Variants in ABCA12 observed in about 807,000 individuals in gnomAD.
ABCA12 encodes the protein glucosylceramide transporter ABCA12.
ABCA12 carries 156 observed loss-of-function variants against 293.5 expected under a neutral mutation model. That is an observed-to-expected ratio of 0.53 (90% CI 0.47 to 0.61). The LOEUF is 0.61. ABCA12 is among the 20% of genes least tolerant of loss of function. The pLI, the probability that ABCA12 is intolerant of heterozygous loss-of-function variation, is 0.00. For synonymous variants in ABCA12, 1,063 were observed against 1,108.0 expected (o/e 0.96, Z 0.81); for missense variants, 2,797 against 3,090.2 (o/e 0.91, Z 2.25).
At chr2:215,092,838 A>G (rs1317159319) in intron 2 of ABCA12, among the ~76,000 whole-genome samples, 3 of 151,970 alleles carry the variant, frequency 2.0e-5, no homozygotes, top group Non-Finnish European at 4.4e-5. Flanking sequence ...GATCTCAAAC[A>G]TGCTTCCTTT....
Position 215,026,668 on chromosome 2 carries a change from G to A in ABCA12, c.1180+152C>T, listed in dbSNP as rs1574993919. 8 of 741,206 alleles carry A rather than the reference G, an allele frequency of 1.1e-5. No individual in the cohort carries two copies. In the East Asian group the frequency reaches 2.1e-4, roughly 19 times the overall value. 45.9% of individuals were successfully genotyped at this position (741,206 alleles called of 1,614,324 possible). A position where few individuals can be genotyped will look rare whatever the true frequency, so the allele number is the denominator to read the frequency against. On this transcript the variant is annotated intron_variant, in intron 10 of 52. Transcript: ENST00000272895. ...GATATTATGACAAGACATTCCCTTT[G>A]TATATCAAATCACCAGACTGAAACT...
chr2:215,062,437 A>T (rs1432193730), intron 3 of ABCA12, among the ~76,000 whole-genome samples: 1 of 152,026 alleles, frequency 6.6e-6, no homozygotes, highest in Non-Finnish European at 1.5e-5. Context: ...CCGTTCTCAT[A>T]GACAATGTAT....
chr2:214,993,400 T>A (rs1574969285), intron 23 of ABCA12, among the ~76,000 whole-genome samples: 1 of 152,196 alleles, frequency 6.6e-6, no homozygotes, highest in East Asian at 1.9e-4. Flanking sequence ...GAAAAAGACC[T>A]CAGATATCTT....
chr2:215,004,343 C>A, intron 19 of ABCA12, 44 bp from the exon 20 acceptor site: 3 of 1,424,090 alleles, frequency 2.1e-6, no homozygotes, highest in South Asian at 2.4e-5. Flanking sequence ...CAAGAAAAAT[C>A]ATGTTTGACA....
chr2:214,974,124 T>C (rs1350517899), intron 35 of ABCA12, 82 bp from the exon 36 acceptor site: 7 of 1,238,958 alleles, frequency 5.6e-6, no homozygotes, highest in African/African-American at 3.0e-5. Flanking sequence ...AACAAGTATT[T>C]GGTATTAAGT....
chr2:215,038,016 T>G (rs1294786395), intron 7 of ABCA12, among the ~76,000 whole-genome samples: 1 of 152,170 alleles, frequency 6.6e-6, no homozygotes, highest in Non-Finnish European at 1.5e-5. Flanking sequence ...AGTATTTGTG[T>G]ACACTTTCAT....
rs748096708 is a variant in ABCA12, at chr2:214,990,709, A to G, written c.3617T>C (p.Val1206Ala). The change falls in exon 24 of 53, where the codon GTG (valine) becomes GCG (alanine). Residue 1206 changes from valine to alanine, a missense_variant. This residue lies in a region of ABCA12 where 2,130 missense variants were observed against 2,427.0 expected (regional missense o/e 0.88). Coordinates refer to ENST00000272895, the MANE Select transcript of ABCA12 (RefSeq NM_173076.3). ...TTCCAACGGTTGACTTACCATGAAC[A>G]CTTTCAATACATAGCTCAACTCATT... Reference protein sequence around the residue: ...VENELSYVLKVFMSLLSPTAF... With the variant: ...VENELSYVLKAFMSLLSPTAF... 7.4e-6 allele frequency: 12 copies of G among 1,613,874 alleles called. No individual in the cohort carries two copies. Among genetic ancestry groups the G allele is most frequent in the Non-Finnish European group, 1.0e-5 (12 of 1,179,912 alleles).
rs1206216819 is a variant in ABCA12, at chr2:214,983,772, G to A, written c.4257C>T (p.Asn1419=). 1.2e-6 allele frequency: 2 copies of A among 1,614,088 alleles called. No individual in the cohort carries two copies. Among genetic ancestry groups the A allele is most frequent in the Admixed American group, 3.3e-5 (2 of 60,018 alleles). Residue 1419 remains asparagine, a synonymous_variant, in exon 29 of 53, where the codon AAC becomes AAT. Transcript: ENST00000272895. ...CGTCGTGCTGCATACAGACTCCCATGTTCTTCCGTACCGTGTGTAGGTCTG... is the reference window on the plus strand; with the variant it reads ...CGTCGTGCTGCATACAGACTCCCATATTCTTCCGTACCGTGTGTAGGTCTG... ...IKTDLHTVRK[N]MGVCMQHDVL... is the part of the protein sequence containing the mutation.
chr2:215,083,404 C>G (rs1405125621), intron 2 of ABCA12, among the ~76,000 whole-genome samples: 4 of 152,142 alleles, frequency 2.6e-5, no homozygotes, highest in African/African-American at 4.8e-5. Context: ...GGGTTCAGTA[C>G]GAAGGTATCA....
At chr2:215,046,483 T>TAA (rs550330914) in intron 6 of ABCA12, among the ~76,000 whole-genome samples, 5 of 145,546 alleles carry the variant, frequency 3.4e-5, no homozygotes, top group African/African-American at 1.3e-4. Context: ...ATATAAAATA[T>TAA]AATATAATAT....
intron 1 of ABCA12, among the ~76,000 whole-genome samples, chr2:215,119,949 A>G (rs1329336293): frequency 2.0e-5 from 3 of 152,152 alleles, no homozygotes; most frequent in Non-Finnish European, 4.4e-5. Flanking sequence ...AAAAAAGATC[A>G]TTATACCAAA....
In ABCA12 at chr2:215,086,597, G is replaced by C. The variant is rs183194837; in HGVS notation, c.164-22378C>G. Among the ~76,000 whole-genome samples the C allele has an allele frequency of 3.3e-5, 5 of 152,282 alleles. No individual in the cohort carries two copies. The East Asian group carries it at 9.6e-4, about 29-fold the overall frequency. On this transcript the variant is annotated intron_variant, in intron 2 of 52. Transcript: ENST00000272895. ...ACCCAGGCTCCTAATACCATCCTGA[G>C]CCTAGAAGTTCCATTCAGCCTTGTG...
At chr2:215,137,309 C>A (rs894785337) in intron 1 of ABCA12, among the ~76,000 whole-genome samples, 1 of 152,128 alleles carries the variant, frequency 6.6e-6, no homozygotes, top group Non-Finnish European at 1.5e-5. Context: ...ATAATATTTA[C>A]ATTACTCATT....
At chr2:214,979,211 G>A (rs1177440238) in intron 31 of ABCA12, among the ~76,000 whole-genome samples, 171 bp from the exon 32 acceptor site, 1 of 151,870 alleles carries the variant, frequency 6.6e-6, no homozygotes, top group Non-Finnish European at 1.5e-5. Context: ...TATTCTACTG[G>A]CCCCATTCTC....
At chr2:215,134,548 G>GTATA (rs372494333) in intron 1 of ABCA12, among the ~76,000 whole-genome samples, 6,200 of 111,738 alleles carry the variant, frequency 0.055, 1,279 homozygotes, top group African/African-American at 0.21. Context: ...ACATATATAC[G>GTATA]TATATGTATA....
Position 214,966,927 on chromosome 2 carries a change from G to T in ABCA12, c.5805C>A (p.His1935Gln), listed in dbSNP as rs1334486494. 10 of 1,613,650 alleles carry T rather than the reference G, an allele frequency of 6.2e-6. No individual in the cohort carries two copies. The highest frequency in any genetic ancestry group is 8.5e-6 in the Non-Finnish European group (10 of 1,179,754). Residue 1935 changes from histidine to glutamine, a missense_variant, in exon 39 of 53, where the codon CAC (histidine) becomes CAA (glutamine). By Grantham distance (24) the His-to-Gln change is conservative. Coordinates refer to ENST00000272895, the MANE Select transcript of ABCA12 (RefSeq NM_173076.3). ...GGCTGTTGAGGTAAGCTGGAAGGGA[G>T]TGATAGCCTTCTGGATCATACCATA... is the stretch of plus-strand genomic sequence containing the variant. ...AKVWYDPEGYHSLPAYLNSLN... is the reference protein window; with the variant it reads ...AKVWYDPEGYQSLPAYLNSLN...
intron 33 of ABCA12, among the ~76,000 whole-genome samples, chr2:214,977,516 GC>G (rs1434157584): frequency 2.6e-5 from 4 of 152,076 alleles, no homozygotes; most frequent in African/African-American, 9.7e-5. Flanking sequence ...TTTTCTGTAA[GC>G]AAAAACTGTT....
intron 36 of ABCA12, among the ~76,000 whole-genome samples, chr2:214,973,374 C>T (rs1423509637): frequency 1.3e-5 from 2 of 152,160 alleles, no homozygotes; most frequent in Non-Finnish European, 2.9e-5. Context: ...CTTCAACAAT[C>T]TTGAACTTCT....
chr2:214,992,462 G>GAAAAAAAAAAAAAAAAAAA, intron 23 of ABCA12, among the ~76,000 whole-genome samples: 1 of 77,358 alleles, frequency 1.3e-5, no homozygotes, highest in Non-Finnish European at 2.1e-5. Context: ...AAAAAAAAAT[G>GAAAAAAAAAAAAAAAAAAA]AAAAAAAAAA....
Sources: allele counts gnomAD v4.1 joint callset (sites outside exome capture counted in the v4.1 genomes callset), GRCh38; gene constraint gnomAD v4.1.1; regional missense constraint gnomAD v4.1.1; transcripts MANE v1.5; gene names NCBI Gene and HGNC (gene_info 2026-07-23, HGNC 2026-07-21).